Variants in DGKB observed in about 807,000 individuals in gnomAD.
The protein encoded by DGKB is 90 kDa diacylglycerol kinase.
DGKB carries 67 observed loss-of-function variants against 114.3 expected under a neutral mutation model. That is an observed-to-expected ratio of 0.59 (90% CI 0.48 to 0.72). The LOEUF (loss-of-function observed/expected upper bound fraction) is 0.72, where lower values mean the gene tolerates loss of function less well. Among genes scored for constraint, DGKB ranks in the 30% least tolerant of loss-of-function variants. The pLI is 0.00. For missense variants in DGKB, 907 were observed against 975.2 expected, an observed-to-expected ratio of 0.93 and a Z score of 0.93; for synonymous variants, 398 against 323.1, an observed-to-expected ratio of 1.23 and a Z score of -2.49.
At chr7:14,429,358 T>C (rs1233439548) in intron 21 of DGKB, among the ~76,000 whole-genome samples, 1 of 152,122 alleles carries the variant, frequency 6.6e-6, no homozygotes, top group Non-Finnish European at 1.5e-5. Flanking sequence ...GGAGAAGATG[T>C]ACATCTGTGA....
intron 23 of DGKB, among the ~76,000 whole-genome samples, chr7:14,242,429 G>C (rs1793815590): frequency 6.6e-6 from 1 of 152,124 alleles, no homozygotes; most frequent in African/African-American, 2.4e-5. Flanking sequence ...TCACAGTAAA[G>C]GTCACAAATC....
chr7:14,971,631 G>T (rs1008635540), intron 1 of DGKB, among the ~76,000 whole-genome samples: 3 of 151,848 alleles, frequency 2.0e-5, no homozygotes, highest in Admixed American at 1.3e-4. Context: ...GAAATAATAA[G>T]TACATTAAAA....
At chr7:14,765,000 T>G (rs963672560) in intron 2 of DGKB, among the ~76,000 whole-genome samples, 12 of 151,956 alleles carry the variant, frequency 7.9e-5, no homozygotes, top group African/African-American at 2.9e-4. Context: ...AACAGAAGTT[T>G]TTATCTACTT....
At chr7:14,602,425 T>C (rs1381777446) in intron 17 of DGKB, among the ~76,000 whole-genome samples, 1 of 152,178 alleles carries the variant, frequency 6.6e-6, no homozygotes, top group Admixed American at 6.6e-5. Context: ...AACTTTCATG[T>C]GTCTCCAAAA....
At chr7:14,831,263 G>T (rs943915938) in intron 2 of DGKB, among the ~76,000 whole-genome samples, 1 of 151,928 alleles carries the variant, frequency 6.6e-6, no homozygotes, top group Non-Finnish European at 1.5e-5. Context: ...TATGTATTTT[G>T]ATTACCTTCT....
chr7:14,878,758 A>C (rs1287494959), intron 1 of DGKB, among the ~76,000 whole-genome samples: 1 of 147,690 alleles, frequency 6.8e-6, no homozygotes, highest in African/African-American at 2.5e-5. Context: ...CAAAAAACAA[A>C]AAAAAAAAAA....
intron 21 of DGKB, among the ~76,000 whole-genome samples, chr7:14,419,352 G>A (rs529578795): frequency 6.6e-6 from 1 of 152,000 alleles, no homozygotes; most frequent in African/African-American, 2.4e-5. Context: ...AAATACACAT[G>A]TAAAGATACT....
At chr7:14,771,522 A>G (rs1837407422) in intron 2 of DGKB, among the ~76,000 whole-genome samples, 1 of 152,072 alleles carries the variant, frequency 6.6e-6, no homozygotes, top group African/African-American at 2.4e-5. Context: ...CTTGATAGCA[A>G]TGAGGACAAA....
At chr7:14,280,382 G>C (rs2128452891) in intron 23 of DGKB, among the ~76,000 whole-genome samples, 1 of 152,200 alleles carries the variant, frequency 6.6e-6, no homozygotes, top group African/African-American at 2.4e-5. Context: ...ATCTACGTCT[G>C]ATTGGTGTAC....
At chr7:14,841,093 T>A (rs1194630898) in intron 2 of DGKB, 101 bp downstream of exon 2, 2 of 1,042,586 alleles carry the variant, frequency 1.9e-6, no homozygotes, top group East Asian at 2.8e-5. Context: ...GCTGGATCTA[T>A]CCCCATGAAG....
intron 1 of DGKB, among the ~76,000 whole-genome samples, chr7:14,843,594 A>G (rs1848251249): frequency 6.6e-6 from 1 of 151,696 alleles, no homozygotes; most frequent in African/African-American, 2.4e-5. Flanking sequence ...TCGGCCTCCC[A>G]AAGTGCTGGG....
chr7:14,647,557 T>TGAATATGGGTGTAAAAATCCTCTACCAA (rs1190725813), intron 13 of DGKB, among the ~76,000 whole-genome samples: 1 of 152,126 alleles, frequency 6.6e-6, no homozygotes, highest in Non-Finnish European at 1.5e-5. Flanking sequence ...ATATCCCTGA[T>TGAATATGGGTGTAAAAATCCTCTACCAA]GAATATGGGT....
At chr7:14,834,415 T>C (rs1288820368) in intron 2 of DGKB, among the ~76,000 whole-genome samples, 1 of 152,150 alleles carries the variant, frequency 6.6e-6, no homozygotes, top group Non-Finnish European at 1.5e-5. Context: ...ACTGGGCAGA[T>C]GGAAGAAATG....
intron 25 of DGKB, among the ~76,000 whole-genome samples, chr7:14,154,236 G>C (rs1562484504): frequency 6.7e-6 from 1 of 148,378 alleles, no homozygotes. Context: ...ACTTTGCAGA[G>C]AGAAGAAAGA....
intron 20 of DGKB, among the ~76,000 whole-genome samples, chr7:14,536,221 T>C (rs1406480789): frequency 6.6e-6 from 1 of 152,088 alleles, no homozygotes; most frequent in African/African-American, 2.4e-5. Context: ...TTACCAAACA[T>C]TTAAAAAAGA....
intron 23 of DGKB, among the ~76,000 whole-genome samples, chr7:14,189,684 C>T (rs115577378): frequency 9.8e-4 from 149 of 152,120 alleles, no homozygotes; most frequent in African/African-American, 3.4e-3. Flanking sequence ...TCAAAAAAGG[C>T]AGGCTGAAAG....
chr7:14,387,643 C>T (rs927003327), intron 21 of DGKB, among the ~76,000 whole-genome samples: 2 of 152,042 alleles, frequency 1.3e-5, no homozygotes, highest in Non-Finnish European at 2.9e-5. Context: ...TCTTGAACTA[C>T]TGGGCTTAAG....
chr7:14,600,093 G>A (rs1239954904), intron 17 of DGKB, among the ~76,000 whole-genome samples: 2 of 152,092 alleles, frequency 1.3e-5, no homozygotes, highest in Non-Finnish European at 2.9e-5. Flanking sequence ...CAACAGATTT[G>A]TTGTCTGGTA....
intron 14 of DGKB, among the ~76,000 whole-genome samples, chr7:14,628,418 T>A (rs1263546462): frequency 1.3e-5 from 2 of 151,966 alleles, no homozygotes; most frequent in Non-Finnish European, 2.9e-5. Context: ...ACACTCAGAT[T>A]TCTTCACAGA....
Sources: gnomAD v4.1 joint callset for allele counts (sites outside exome capture counted in the v4.1 genomes callset) on GRCh38, gnomAD v4.1.1 for gene constraint, MANE v1.5 for transcripts, NCBI Gene and HGNC (gene_info 2026-07-23, HGNC 2026-07-21) for gene names.